The following SMIM20 variants were observed in gnomAD, a reference collection of about 807,000 sequenced individuals.
SMIM20 encodes small integral membrane protein 20.
Under a neutral mutation model 8.7 loss-of-function variants are expected in SMIM20, and 3 were observed. The observed-to-expected ratio is 0.34, with a 90% CI of 0.16 to 0.89. The LOEUF (loss-of-function observed/expected upper bound fraction) is 0.89, where lower values mean the gene tolerates loss of function less well. Among genes scored for constraint, SMIM20 ranks in the 40% least tolerant of loss-of-function variants. The pLI is 0.49. For synonymous variants in SMIM20, 44 were observed against 33.6 expected, an observed-to-expected ratio of 1.31 and a Z score of -1.07; for missense variants, 85 against 84.8, an observed-to-expected ratio of 1.00 and a Z score of -0.01.
intron 1 of SMIM20, among the ~76,000 whole-genome samples, chr4:25,925,000 A>G (rs1220066659): frequency 3.3e-5 from 5 of 152,234 alleles, no homozygotes; most frequent in Non-Finnish European, 5.9e-5. Context: ...CTATGTATAT[A>G]AGATGTATGT....
chr4:25,917,433 G>A (rs1022656120), intron 1 of SMIM20, among the ~76,000 whole-genome samples: 5 of 152,176 alleles, frequency 3.3e-5, no homozygotes, highest in African/African-American at 1.2e-4. Flanking sequence ...ACAAGGGCAG[G>A]AATGTGAGAC....
At chr4:25,916,624 C>T (rs1218044800) in intron 1 of SMIM20, among the ~76,000 whole-genome samples, 1 of 152,190 alleles carries the variant, frequency 6.6e-6, no homozygotes, top group Non-Finnish European at 1.5e-5. Context: ...GGCATGATCT[C>T]GGCTCACCGC....
intron 1 of SMIM20, among the ~76,000 whole-genome samples, chr4:25,921,923 G>C (rs1055381205): frequency 3.9e-5 from 6 of 152,174 alleles, no homozygotes; most frequent in East Asian, 1.9e-4. Flanking sequence ...TTCATGAAAA[G>C]GGAGTGTGGT....
In SMIM20 at chr4:25,929,264, T is replaced by A; in HGVS notation, c.*73T>A. 1.4e-6 allele frequency: 2 copies of A among 1,480,186 alleles called. No individual in the cohort carries two copies. Among genetic ancestry groups the A allele is most frequent in the East Asian group, 2.5e-5 (1 of 40,548 alleles). 91.7% of individuals were successfully genotyped at this position (1,480,186 alleles called of 1,614,324 possible). A position where few individuals can be genotyped will look rare whatever the true frequency, so the allele number is the denominator to read the frequency against. On this transcript the variant is annotated 3_prime_UTR_variant, in exon 3 of 3. Transcript: ENST00000506197. The stretch of plus-strand genomic sequence containing the variant: ...TCGATTCTGCATGGGGTACAGCCAG[T>A]CACCTCACCAGAGAATGACGGCTGG...
chr4:25,914,472 C>T lies in SMIM20; in HGVS notation c.109+50C>T, dbSNP rs138066832. 2.8e-3 allele frequency: 3,873 copies of T among 1,397,452 alleles called. 10 individuals are homozygous for T. The highest frequency in any genetic ancestry group is 5.9e-3 in the Admixed American group (190 of 32,142). The allele number at this position is 1,397,452 out of a possible 1,614,324, so 86.6% of individuals were successfully genotyped here. Reference sequence around the variant, plus strand: ...GTGACCTGACTCCCCAACACACACACCTCCCCTCTGTGAGCTCCACGTGGT... The same window carrying T: ...GTGACCTGACTCCCCAACACACACATCTCCCCTCTGTGAGCTCCACGTGGT... On this transcript the variant is annotated intron_variant, in intron 1 of 2. Coordinates refer to ENST00000506197, the MANE Select transcript of SMIM20 (RefSeq NM_001145432.3).
At chr4:25,916,039 A>G (rs1719086346) in intron 1 of SMIM20, among the ~76,000 whole-genome samples, 1 of 152,128 alleles carries the variant, frequency 6.6e-6, no homozygotes, top group Admixed American at 6.6e-5. Flanking sequence ...GGGGACTTGT[A>G]CTGTGTATCC....
chr4:25,917,204 A>G (rs1055972126), intron 1 of SMIM20, among the ~76,000 whole-genome samples: 35 of 151,818 alleles, frequency 2.3e-4, no homozygotes, highest in Non-Finnish European at 1.5e-4. Context: ...AGAAAAGGCA[A>G]TGGGGGAGAT....
At chr4:25,916,639 T>C (rs1374847932) in intron 1 of SMIM20, among the ~76,000 whole-genome samples, 4 of 152,168 alleles carry the variant, frequency 2.6e-5, no homozygotes, top group Non-Finnish European at 5.9e-5. Context: ...CACCGCAACC[T>C]CTGCCTCCCA....
chr4:25,916,567 C>CT (rs1317236473), intron 1 of SMIM20, among the ~76,000 whole-genome samples: 2 of 148,162 alleles, frequency 1.3e-5, no homozygotes, highest in African/African-American at 5.0e-5. Flanking sequence ...GTAACTGATT[C>CT]TTTTTTCTGA....
chr4:25,918,444 A>G (rs950426485), intron 1 of SMIM20, among the ~76,000 whole-genome samples: 41 of 152,074 alleles, frequency 2.7e-4, no homozygotes, highest in African/African-American at 9.7e-4. Context: ...TTATATAAGA[A>G]TTATCTTTAT....
chr4:25,920,253 A>G (rs1351088519), intron 1 of SMIM20, among the ~76,000 whole-genome samples: 1 of 152,208 alleles, frequency 6.6e-6, no homozygotes, highest in Admixed American at 6.5e-5. Flanking sequence ...GCGATAGACC[A>G]TGTATGACAG....
At chr4:25,914,559 G>A (rs896758026) in intron 1 of SMIM20, 137 bp downstream of exon 1, 3 of 818,660 alleles carry the variant, frequency 3.7e-6, no homozygotes, top group African/African-American at 3.6e-5. Context: ...GCCATGTGCA[G>A]CTTTGTGACC....
chr4:25,924,656 TATTATA>T (rs1719255979), intron 1 of SMIM20, among the ~76,000 whole-genome samples: 1 of 152,288 alleles, frequency 6.6e-6, no homozygotes, highest in South Asian at 2.1e-4. Flanking sequence ...ATGTACTATA[TATTATA>T]ATTATTACTG....
At chr4:25,924,323 A>C (rs1719250283) in intron 1 of SMIM20, among the ~76,000 whole-genome samples, 1 of 152,330 alleles carries the variant, frequency 6.6e-6, no homozygotes, top group African/African-American at 2.4e-5. Context: ...CATGTTGTAC[A>C]GTTATGTGGT....
At chr4:25,914,650 C>A (rs1719043878) in intron 1 of SMIM20, among the ~76,000 whole-genome samples, 1 of 152,194 alleles carries the variant, frequency 6.6e-6, no homozygotes, top group Admixed American at 6.5e-5. Flanking sequence ...TGCTAAAATG[C>A]CGAGCCTCCT....
In SMIM20 at chr4:25,915,854, T is replaced by TGGGGGGG. The variant is rs1267183562; in HGVS notation, c.109+1436_109+1437insGGGGGGG. Among the ~76,000 whole-genome samples the TGGGGGGG allele has an allele frequency of 2.7e-3, 50 of 18,736 alleles. 1 individual carries two copies. The highest frequency in any genetic ancestry group is 3.7e-3 in the Non-Finnish European group (35 of 9,558). The allele number at this position is 18,736 out of a possible 152,430, so 12.3% of individuals were successfully genotyped here. On this transcript the variant is annotated intron_variant, in intron 1 of 2. Transcript: ENST00000506197. ...CATTTTTGCTTGTCACAACTTGGGA[T>TGGGGGGG]GGGGCGGGGGGGGGGTCGAGTGTTG...
intron 1 of SMIM20, among the ~76,000 whole-genome samples, chr4:25,925,741 A>G (rs1719280499): frequency 6.6e-6 from 1 of 152,216 alleles, no homozygotes. Context: ...GTGAATGTTC[A>G]AGTAACAAGT....
intron 1 of SMIM20, among the ~76,000 whole-genome samples, chr4:25,916,213 G>A (rs996134301): frequency 6.6e-6 from 1 of 152,010 alleles, no homozygotes; most frequent in African/African-American, 2.4e-5. Flanking sequence ...CCACTTTTCT[G>A]GTTCCTTTTT....
intron 1 of SMIM20, among the ~76,000 whole-genome samples, chr4:25,920,304 G>A (rs781701949): frequency 9.2e-5 from 14 of 152,088 alleles, no homozygotes; most frequent in Non-Finnish European, 7.4e-5. Context: ...AATTTCTGTC[G>A]CCTAGTGATG....
Sources: gnomAD v4.1 joint callset for allele counts (sites outside exome capture counted in the v4.1 genomes callset) on GRCh38, gnomAD v4.1.1 for gene constraint, MANE v1.5 for transcripts, NCBI Gene and HGNC (gene_info 2026-07-23, HGNC 2026-07-21) for gene names.